PDE4D: variants seen among roughly 807,000 people sequenced by gnomAD.
PDE4D encodes the protein phosphodiesterase 4D.
In PDE4D, 24 loss-of-function variants were observed where a neutral mutation model predicts 87.4. The ratio of observed to expected loss-of-function variants is 0.27; its 90% CI spans 0.20 to 0.39. PDE4D has a LOEUF of 0.39. PDE4D is among the 10% of genes least tolerant of loss of function. PDE4D has a pLI of 1.00. For synonymous variants in PDE4D, 384 were observed against 383.2 expected, an observed-to-expected ratio of 1.00 and a Z score of -0.02; for missense variants, 714 against 1,041.0, an observed-to-expected ratio of 0.69 and a Z score of 4.32.
At chr5:59,985,727 C>G (rs1322615155) in intron 3 of PDE4D, among the ~76,000 whole-genome samples, 1 of 151,872 alleles carries the variant, frequency 6.6e-6, no homozygotes, top group Non-Finnish European at 1.5e-5. Flanking sequence ...ATAGTCATTC[C>G]TTGGTATATG....
intron 1 of PDE4D, among the ~76,000 whole-genome samples, chr5:59,304,432 G>A (rs1436462341): frequency 1.3e-5 from 2 of 152,068 alleles, no homozygotes; most frequent in Non-Finnish European, 2.9e-5. Flanking sequence ...CCATTACTAT[G>A]TTGAAGAAGA....
intron 1 of PDE4D, among the ~76,000 whole-genome samples, chr5:59,795,853 G>A (rs1281120290): frequency 6.6e-6 from 1 of 152,162 alleles, no homozygotes; most frequent in Non-Finnish European, 1.5e-5. Flanking sequence ...AAGGTCATTA[G>A]AGTGGGCCTT....
intron 1 of PDE4D, among the ~76,000 whole-genome samples, chr5:59,403,929 G>A (rs1230135118): frequency 6.6e-6 from 1 of 152,170 alleles, no homozygotes; most frequent in African/African-American, 2.4e-5. Flanking sequence ...AAAAGTGTAG[G>A]AGTGTTCTCT....
intron 1 of PDE4D, chr5:59,314,603 A>G (rs1219518509): frequency 8.5e-5 from 13 of 152,176 alleles, no homozygotes; most frequent in African/African-American, 3.1e-4. Flanking sequence ...GCTGTCATCA[A>G]TAAACCCTAT....
rs904960427 is a variant in PDE4D, at chr5:59,768,530, A to T, written c.455+124638T>A. 39 of 1,596,408 alleles carry T rather than the reference A, an allele frequency of 2.4e-5. 1 individual carries two copies. Among genetic ancestry groups the T allele is most frequent in the Non-Finnish European group, 8.5e-7 (1 of 1,178,258 alleles). The stretch of plus-strand genomic sequence containing the variant: ...GCCATTTTCCTGGTCAACTTTGTAC[A>T]GCTGGCAAGAATCCAGGGCAACGTG... On this transcript the variant is annotated intron_variant, in intron 1 of 14. Transcript: ENST00000340635.
intron 1 of PDE4D, among the ~76,000 whole-genome samples, chr5:59,308,855 G>A (rs1771973207): frequency 6.6e-6 from 1 of 151,976 alleles, no homozygotes; most frequent in Non-Finnish European, 1.5e-5. Context: ...GATAGGGAAG[G>A]ACCATCAGGT....
At chr5:59,206,895 A>C in intron 2 of PDE4D, among the ~76,000 whole-genome samples, 1 of 152,206 alleles carries the variant, frequency 6.6e-6, no homozygotes, top group East Asian at 1.9e-4. Context: ...CAAGACTTAA[A>C]GTTCAGGCTG....
chr5:60,171,861 T>C (rs994622006), intron 2 of PDE4D, among the ~76,000 whole-genome samples: 3 of 152,042 alleles, frequency 2.0e-5, no homozygotes, highest in African/African-American at 7.2e-5. Flanking sequence ...ATATACTAAC[T>C]TTAAGGTTTT....
intron 2 of PDE4D, among the ~76,000 whole-genome samples, chr5:60,155,396 G>C (rs1038910514): frequency 6.6e-6 from 1 of 152,084 alleles, no homozygotes; most frequent in Admixed American, 6.6e-5. Context: ...TTGGTGAAGG[G>C]CTTCTTGTTT....
At chr5:60,416,811 TTG>T (rs1266563156) in intron 1 of PDE4D, among the ~76,000 whole-genome samples, 1 of 152,196 alleles carries the variant, frequency 6.6e-6, no homozygotes, top group Non-Finnish European at 1.5e-5. Flanking sequence ...TAAAAACAGC[TTG>T]GGAATCTGAA....
At chr5:59,617,574 C>T (rs981088456) in intron 1 of PDE4D, among the ~76,000 whole-genome samples, 3 of 152,086 alleles carry the variant, frequency 2.0e-5, no homozygotes, top group Admixed American at 6.6e-5. Flanking sequence ...GTGTGCCTCA[C>T]GCCTTTATAA....
chr5:59,975,480 A>T lies in PDE4D; in HGVS notation c.272+13008T>A, dbSNP rs552596910. Among the ~76,000 whole-genome samples the T allele has an allele frequency of 5.3e-5, 8 of 152,300 alleles. No homozygotes were observed. The East Asian group carries it at 1.5e-3, about 29-fold the overall frequency. On this transcript the variant is annotated intron_variant, in intron 3 of 16. Coordinates refer to the PDE4D transcript ENST00000502484. ...TCTAGAGACCTTGAATACTTTCTAT[A>T]TCAGTATCTTCTTATATTCACTCAT...
At chr5:60,340,607 T>TAAAAAAAAAA (rs10583972) in intron 1 of PDE4D, among the ~76,000 whole-genome samples, 1 of 138,548 alleles carries the variant, frequency 7.2e-6, no homozygotes, top group Non-Finnish European at 1.6e-5. Context: ...TCACATCATT[T>TAAAAAAAAAA]AAAAAAAAAA....
rs1229394410 is a variant in PDE4D, at chr5:59,988,708, C to T, written c.52G>A (p.Glu18Lys). ...TCTTCATTACTGGAATGTAGTGTTT[C>T]CTCAGAGGCCTGAGGTAATAATTCA... Residue 18 changes from glutamate (E) to lysine (K), a missense_variant, in exon 3 of 17, where the codon GAA (glutamate) becomes AAA (lysine). Physicochemically the swap from Glu to Lys is moderately conservative, Grantham distance 56. Coordinates refer to the PDE4D transcript ENST00000502484. 3 of 1,579,232 alleles carry T rather than the reference C, an allele frequency of 1.9e-6. No individual in the cohort carries two copies. The East Asian group carries it at 6.7e-5, about 35-fold the overall frequency.
chr5:59,154,484 A>G (rs1779885223), intron 5 of PDE4D, among the ~76,000 whole-genome samples: 1 of 152,212 alleles, frequency 6.6e-6, no homozygotes, highest in Non-Finnish European at 1.5e-5. Flanking sequence ...TTCAGGTACT[A>G]GTACTATAAT....
rs867334431 is a variant in PDE4D at position 59,574,130 on chromosome 5, A to T, written c.455+319038T>A. 0.014 allele frequency among the ~76,000 whole-genome samples: 72 copies of T among 5,322 alleles called. 1 individual carries two copies. The South Asian group carries it at 0.17, about 13-fold the overall frequency. 3.5% of individuals were successfully genotyped at this position (5,322 alleles called of 152,430 possible). ...TATATATATATATAAATATATATTT[A>T]TATATATATATATAAATATATATTT... On this transcript the variant is annotated intron_variant, in intron 1 of 14. Transcript: ENST00000340635.
chr5:60,417,247 G>C (rs925311003), intron 1 of PDE4D, among the ~76,000 whole-genome samples: 2 of 152,184 alleles, frequency 1.3e-5, no homozygotes, highest in Admixed American at 1.3e-4. Context: ...TGTGAGATGA[G>C]TACAATTGTA....
At chr5:60,403,385 CAGGAA>C (rs1206742291) in intron 1 of PDE4D, among the ~76,000 whole-genome samples, 1 of 152,216 alleles carries the variant, frequency 6.6e-6, no homozygotes, top group Non-Finnish European at 1.5e-5. Context: ...CCTACACTCT[CAGGAA>C]ATGTTCTGCA....
chr5:59,195,379 C>T (rs1346036060), intron 2 of PDE4D, among the ~76,000 whole-genome samples: 2 of 152,114 alleles, frequency 1.3e-5, no homozygotes, highest in Non-Finnish European at 2.9e-5. Context: ...CCATTGAGCC[C>T]GTGGGAGCCA....
Sources: gnomAD v4.1 joint callset for allele counts (sites outside exome capture counted in the v4.1 genomes callset) on GRCh38, gnomAD v4.1.1 for gene constraint, MANE v1.5 for transcripts, NCBI Gene and HGNC (gene_info 2026-07-23, HGNC 2026-07-21) for gene names.